PRKCA: variants seen among roughly 807,000 people sequenced by gnomAD.
PRKCA encodes protein kinase C alpha type.
A neutral mutation model predicts 87.0 loss-of-function variants in PRKCA; 27 were observed. That is an observed-to-expected ratio of 0.31 (90% CI 0.23 to 0.43). The LOEUF is 0.43. Among genes scored for constraint, PRKCA ranks in the 20% least tolerant of loss-of-function variants. The probability of loss-of-function intolerance (pLI) is 1.00; values close to 1 mark genes in which losing one functional copy is unlikely to be tolerated. For missense variants in PRKCA, 518 were observed against 852.3 expected, an observed-to-expected ratio of 0.61 and a Z score of 4.88; for synonymous variants, 329 against 311.1, an observed-to-expected ratio of 1.06 and a Z score of -0.61.
intron 3 of PRKCA, among the ~76,000 whole-genome samples, chr17:66,558,945 C>T (rs72845915): frequency 0.059 from 8,939 of 152,174 alleles, 336 homozygotes; most frequent in Non-Finnish European, 0.084. Context: ...AAAGGCAAAA[C>T]GGATGGTCTA....
chr17:66,480,361 T>C (rs1915726909), intron 2 of PRKCA, among the ~76,000 whole-genome samples: 1 of 152,166 alleles, frequency 6.6e-6, no homozygotes, highest in African/African-American at 2.4e-5. Flanking sequence ...CCCAACATAC[T>C]TGATATAAGA....
At chr17:66,556,612 A>G (rs1434912424) in intron 3 of PRKCA, among the ~76,000 whole-genome samples, 1 of 152,212 alleles carries the variant, frequency 6.6e-6, no homozygotes, top group Non-Finnish European at 1.5e-5. Flanking sequence ...ATCAAGAGCA[A>G]GAACAGTTGG....
At chr17:66,573,049 G>T (rs1466467782) in intron 3 of PRKCA, among the ~76,000 whole-genome samples, 3 of 152,096 alleles carry the variant, frequency 2.0e-5, no homozygotes, top group Non-Finnish European at 4.4e-5. Context: ...GCTGCGTTCT[G>T]TCTACAGAGG....
chr17:66,489,356 T>TAC (rs1916121833), intron 2 of PRKCA, among the ~76,000 whole-genome samples: 1 of 26,098 alleles, frequency 3.8e-5, no homozygotes, highest in Non-Finnish European at 7.1e-5. Context: ...GCAGTGCATA[T>TAC]ATATATATAT....
intron 3 of PRKCA, among the ~76,000 whole-genome samples, chr17:66,564,330 C>T (rs891232177): frequency 6.6e-6 from 1 of 152,130 alleles, no homozygotes. Context: ...CCACCTGCCT[C>T]GAACTCCCAG....
intron 5 of PRKCA, among the ~76,000 whole-genome samples, chr17:66,681,590 T>C (rs1972495951): frequency 1.3e-5 from 2 of 152,220 alleles, no homozygotes; most frequent in African/African-American, 4.8e-5. Context: ...TTCACTTAGT[T>C]CCACAGCAAC....
intron 5 of PRKCA, among the ~76,000 whole-genome samples, chr17:66,683,538 G>A (rs1972545791): frequency 6.6e-6 from 1 of 152,124 alleles, no homozygotes; most frequent in Non-Finnish European, 1.5e-5. Context: ...GGGTGTAGCT[G>A]AGGTTGAGAA....
chr17:66,461,966 T>C (rs991385145), intron 2 of PRKCA, among the ~76,000 whole-genome samples: 3 of 152,194 alleles, frequency 2.0e-5, no homozygotes, highest in African/African-American at 7.2e-5. Flanking sequence ...AGCATGCTTC[T>C]ATGGGATGTC....
chr17:66,628,061 A>G (rs191276463), intron 3 of PRKCA, among the ~76,000 whole-genome samples: 4 of 152,300 alleles, frequency 2.6e-5, no homozygotes, highest in African/African-American at 9.6e-5. Context: ...AAGGATTAAC[A>G]TATCACTTTT....
chr17:66,432,475 C>T (rs549903268), intron 2 of PRKCA, among the ~76,000 whole-genome samples: 15 of 152,282 alleles, frequency 9.9e-5, no homozygotes, highest in African/African-American at 2.9e-4. Context: ...CAGGGAGAAT[C>T]TTCCCTGTGG....
rs376031056 is a variant in PRKCA at position 66,341,162 on chromosome 17, C to T, written c.205+35035C>T. Among the ~76,000 whole-genome samples the T allele has an allele frequency of 6.6e-5, 10 of 152,174 alleles. No homozygotes were observed. The East Asian group carries it at 1.5e-3, about 24-fold the overall frequency. Reference sequence around the variant, plus strand: ...AATTTTTCTGATGGTCGCAGACTTCCGTGTCTAGAAAGCTGCTAGCTTTCT... The same window carrying T: ...AATTTTTCTGATGGTCGCAGACTTCTGTGTCTAGAAAGCTGCTAGCTTTCT... On this transcript the variant is annotated intron_variant, in intron 2 of 16. Coordinates refer to ENST00000413366, the MANE Select transcript of PRKCA (RefSeq NM_002737.3).
At chr17:66,655,293 G>T (rs1971705209) in intron 5 of PRKCA, among the ~76,000 whole-genome samples, 1 of 152,064 alleles carries the variant, frequency 6.6e-6, no homozygotes, top group Admixed American at 6.5e-5. Context: ...GACCCCTTCT[G>T]TAGGCAGTAC....
chr17:66,661,883 T>C (rs1471986491), intron 5 of PRKCA, among the ~76,000 whole-genome samples: 1 of 152,194 alleles, frequency 6.6e-6, no homozygotes, highest in African/African-American at 2.4e-5. Context: ...TTTTGAGCCA[T>C]TGGCCTTAAA....
chr17:66,567,728 C>A (rs1006390708), intron 3 of PRKCA, among the ~76,000 whole-genome samples: 2 of 152,188 alleles, frequency 1.3e-5, no homozygotes, highest in African/African-American at 4.8e-5. Context: ...CACCTCGGAG[C>A]CAGACACTTG....
Position 66,788,384 on chromosome 17 carries a change from T to C in PRKCA, c.1714-455T>C, listed in dbSNP as rs559936970. Among the ~76,000 whole-genome samples, 13 of 152,290 alleles carry C rather than the reference T, an allele frequency of 8.5e-5. No homozygotes were observed. The South Asian group carries it at 1.4e-3, about 17-fold the overall frequency. The stretch of plus-strand genomic sequence containing the variant: ...ATTTATTTTTCTAATCTATGAGTCT[T>C]TGATTGATAACATTTTGGCCCAGAC... On this transcript the variant is annotated intron_variant, in intron 15 of 16. Transcript: ENST00000413366.
Position 66,305,701 on chromosome 17 carries a change from A to G in PRKCA, c.174-395A>G, listed in dbSNP as rs536605596. Among the ~76,000 whole-genome samples the G allele has an allele frequency of 5.9e-5, 9 of 152,336 alleles. No individual in the cohort carries two copies. The East Asian group carries it at 9.6e-4, about 16-fold the overall frequency. On this transcript the variant is annotated intron_variant, in intron 1 of 16. Transcript: ENST00000413366. ...CTTTAGGGAGATAAAAACAATTTTC[A>G]TTTGGTCTTCAGGAACAAAATAAGC...
At chr17:66,745,680 C>G (rs1974262724) in intron 13 of PRKCA, among the ~76,000 whole-genome samples, 1 of 152,026 alleles carries the variant, frequency 6.6e-6, no homozygotes, top group Non-Finnish European at 1.5e-5. Context: ...GACACCGTCT[C>G]AAAAATAAAT....
Position 66,313,889 on chromosome 17 carries a change from TCAC to T in PRKCA, c.205+7763_205+7765del, listed in dbSNP as rs1473794975. Among the ~76,000 whole-genome samples the T allele has an allele frequency of 2.0e-5, 3 of 152,352 alleles. No homozygotes were observed. The South Asian group carries it at 6.2e-4, about 32-fold the overall frequency. ...GAAACAGCTGTGATTATGTTTATCATCACAGATTATAACGGTGATTAGAATCAC... is the reference window on the plus strand; with the variant it reads ...GAAACAGCTGTGATTATGTTTATCATAGATTATAACGGTGATTAGAATCAC... On this transcript the variant is annotated intron_variant, in intron 2 of 16. Transcript: ENST00000413366.
intron 8 of PRKCA, among the ~76,000 whole-genome samples, chr17:66,729,918 G>T (rs944265772): frequency 6.6e-6 from 1 of 151,426 alleles, no homozygotes; most frequent in African/African-American, 2.4e-5. Flanking sequence ...AGCCTCCTGA[G>T]TAGCTGGGAT....
Sources: allele counts gnomAD v4.1 joint callset (sites outside exome capture counted in the v4.1 genomes callset), GRCh38; gene constraint gnomAD v4.1.1; transcripts MANE v1.5; gene names NCBI Gene and HGNC (gene_info 2026-07-23, HGNC 2026-07-21).